SCD5: variants seen among roughly 807,000 people sequenced by gnomAD.
SCD5 encodes acyl-CoA-desaturase 4.
SCD5 carries 20 observed loss-of-function variants against 30.4 expected under a neutral mutation model. That is an observed-to-expected ratio of 0.66 (90% confidence interval 0.46 to 0.96). The LOEUF (loss-of-function observed/expected upper bound fraction) is 0.96, where lower values mean the gene tolerates loss of function less well. SCD5 is among the 40% of genes least tolerant of loss of function. The pLI is 0.00. For synonymous variants in SCD5, 173 were observed against 176.4 expected (o/e 0.98, Z 0.16); for missense variants, 381 against 443.3 (o/e 0.86, Z 1.26).
intron 1 of SCD5, among the ~76,000 whole-genome samples, chr4:82,706,200 T>G (rs1255975868): frequency 1.3e-5 from 2 of 152,206 alleles, no homozygotes; most frequent in East Asian, 3.8e-4. Context: ...TATTAACATT[T>G]TTTTTTTCAA....
At chr4:82,674,999 A>T (rs1728407036) in intron 3 of SCD5, among the ~76,000 whole-genome samples, 1 of 152,174 alleles carries the variant, frequency 6.6e-6, no homozygotes, top group East Asian at 1.9e-4. Context: ...CAGAGAACAG[A>T]GGATTTTTAG....
At position 82,796,511 on chromosome 4, in the gene SCD5, T is replaced by C. The variant is rs909210886; in HGVS notation, c.232+1795A>G. 2.0e-5 allele frequency among the ~76,000 whole-genome samples: 3 copies of C among 152,088 alleles called. No homozygotes were observed. In the East Asian group the frequency reaches 5.8e-4, roughly 29 times the overall value. On this transcript the variant is annotated intron_variant, in intron 1 of 4. Transcript: ENST00000319540. ...CGGTCCGGAAAGGGCAGAGGTGACCTGGCAAACTTGGAGAGAGGGGCCTTG... is the reference window on the plus strand; with the variant it reads ...CGGTCCGGAAAGGGCAGAGGTGACCCGGCAAACTTGGAGAGAGGGGCCTTG...
Position 82,636,778 on chromosome 4 carries a change from C to T in SCD5, c.615G>A (p.Thr205=), listed in dbSNP as rs764538398. Residue 205 remains threonine (T), a synonymous_variant, in exon 4 of 5, where the codon ACG becomes ACA. Coordinates refer to ENST00000319540, the MANE Select transcript of SCD5 (RefSeq NM_001037582.3). ...CTCCCCAGATGTACCAGGGCACCAG[C>T]GTGGGGACCACAAAGCACATGAGCA... is the stretch of plus-strand genomic sequence containing the variant. ...SVVLMCFVVP[T]LVPWYIWGES... 5.6e-6 allele frequency: 9 copies of T among 1,614,154 alleles called. No homozygotes were observed. Among genetic ancestry groups the T allele is most frequent in the Admixed American group, 1.7e-5 (1 of 60,022 alleles).
chr4:82,710,893 A>G (rs560510198), intron 1 of SCD5, among the ~76,000 whole-genome samples: 525 of 29,028 alleles, frequency 0.018, 3 homozygotes, highest in African/African-American at 0.047. Context: ...AGAAAACGAG[A>G]CAGAGAGAGA....
intron 2 of SCD5, among the ~76,000 whole-genome samples, chr4:82,704,959 G>A (rs946104578): frequency 2.0e-5 from 3 of 152,264 alleles, no homozygotes; most frequent in African/African-American, 7.2e-5. Flanking sequence ...GCATACCAGT[G>A]TGCTTATCAC....
At chr4:82,688,572 C>T (rs1728761636) in intron 2 of SCD5, among the ~76,000 whole-genome samples, 1 of 152,134 alleles carries the variant, frequency 6.6e-6, no homozygotes, top group South Asian at 2.1e-4. Flanking sequence ...AGATAATAGG[C>T]TAATCTGTAA....
At chr4:82,642,214 C>T (rs1199325885) in intron 3 of SCD5, among the ~76,000 whole-genome samples, 1 of 152,092 alleles carries the variant, frequency 6.6e-6, no homozygotes. Context: ...TTCCCCACAG[C>T]CACACCGGTT....
At chr4:82,772,652 G>T (rs1721653191) in intron 1 of SCD5, among the ~76,000 whole-genome samples, 1 of 152,114 alleles carries the variant, frequency 6.6e-6, no homozygotes, top group Admixed American at 6.5e-5. Flanking sequence ...TGGCTGGCCT[G>T]GGCTTTCTCA....
chr4:82,757,868 T>C (rs1721265967), intron 1 of SCD5, among the ~76,000 whole-genome samples: 1 of 152,194 alleles, frequency 6.6e-6, no homozygotes, highest in Non-Finnish European at 1.5e-5. Flanking sequence ...ACAGGATGCA[T>C]TTTTTTAAAG....
chr4:82,773,574 C>T (rs1229278568), intron 1 of SCD5, among the ~76,000 whole-genome samples: 3 of 152,210 alleles, frequency 2.0e-5, no homozygotes, highest in Non-Finnish European at 4.4e-5. Flanking sequence ...CAGCCCCACA[C>T]ATATTACAAA....
At chr4:82,753,063 AG>A (rs1296409382) in intron 1 of SCD5, among the ~76,000 whole-genome samples, 1 of 152,208 alleles carries the variant, frequency 6.6e-6, no homozygotes, top group Non-Finnish European at 1.5e-5. Context: ...CAGTTTGCCC[AG>A]GAGCACATGG....
intron 1 of SCD5, among the ~76,000 whole-genome samples, chr4:82,785,602 G>T (rs374759161): frequency 3.3e-5 from 5 of 152,214 alleles, no homozygotes; most frequent in South Asian, 2.1e-4. Flanking sequence ...AATAAATTTC[G>T]ATTTGTTTTT....
At chr4:82,785,732 A>C (rs1357345079) in intron 1 of SCD5, among the ~76,000 whole-genome samples, 3 of 152,218 alleles carry the variant, frequency 2.0e-5, no homozygotes, top group Non-Finnish European at 4.4e-5. Context: ...ATAGCTAAAA[A>C]ATGCTAATGA....
At chr4:82,705,169 G>A in intron 2 of SCD5, 114 bp downstream of exon 2, 1 of 1,315,110 alleles carries the variant, frequency 7.6e-7, no homozygotes, top group South Asian at 1.4e-5. Flanking sequence ...CGTGCTTGGG[G>A]CCTGAACACT....
chr4:82,651,696 C>T (rs1285181465), intron 3 of SCD5, among the ~76,000 whole-genome samples: 2 of 151,880 alleles, frequency 1.3e-5, no homozygotes, highest in African/African-American at 4.8e-5. Flanking sequence ...GGCAGATCAC[C>T]TGAGGTCCGG....
Position 82,797,794 on chromosome 4 carries a change from T to C in SCD5, c.232+512A>G, listed in dbSNP as rs113405908. ...GTGCGCGTAAACCAAGACTCTATCC[T>C]GTGCCGGGTCTCTCCTCCCCGGTCC... is the stretch of plus-strand genomic sequence containing the variant. On this transcript the variant is annotated intron_variant, in intron 1 of 4. Transcript: ENST00000319540. 2.9e-3 allele frequency among the ~76,000 whole-genome samples: 440 copies of C among 152,232 alleles called. 5 individuals are homozygous for C. Among genetic ancestry groups the C allele is most frequent in the African/African-American group, 9.8e-3 (408 of 41,532 alleles).
chr4:82,657,665 A>T (rs1332121480), intron 3 of SCD5, among the ~76,000 whole-genome samples: 3 of 152,212 alleles, frequency 2.0e-5, no homozygotes, highest in Admixed American at 6.5e-5. Flanking sequence ...TGGGGATAGC[A>T]CTGAATCTAT....
chr4:82,770,083 G>A (rs913947632), intron 1 of SCD5, among the ~76,000 whole-genome samples: 56 of 151,788 alleles, frequency 3.7e-4, no homozygotes, highest in African/African-American at 1.2e-3. Context: ...TGTGCACAAC[G>A]TGCAGGTTTG....
At chr4:82,700,387 T>A (rs918238908) in intron 2 of SCD5, among the ~76,000 whole-genome samples, 1 of 151,878 alleles carries the variant, frequency 6.6e-6, no homozygotes, top group African/African-American at 2.4e-5. Flanking sequence ...AATACTTAGG[T>A]ATCATCATAT....
Sources: allele counts gnomAD v4.1 joint callset (sites outside exome capture counted in the v4.1 genomes callset), GRCh38; gene constraint gnomAD v4.1.1; transcripts MANE v1.5; gene names NCBI Gene and HGNC (gene_info 2026-07-23, HGNC 2026-07-21).